The following CACNA2D1 variants were observed in gnomAD, a reference collection of about 807,000 sequenced individuals.
CACNA2D1 encodes the protein calcium voltage-gated channel auxiliary subunit alpha2delta 1.
In CACNA2D1, 53 loss-of-function variants were observed where a neutral mutation model predicts 171.5. The ratio of observed to expected loss-of-function variants is 0.31; its 90% CI spans 0.25 to 0.39. The LOEUF (loss-of-function observed/expected upper bound fraction) is 0.39. Ranked by LOEUF, CACNA2D1 falls within the 10% of genes least tolerant of loss-of-function variation. CACNA2D1 has a pLI of 1.00. For synonymous variants in CACNA2D1, 442 were observed against 443.1 expected (o/e 1.00, Z 0.03); for missense variants, 903 against 1,299.8 (o/e 0.69, Z 4.69).
chr7:82,222,898 CTTTT>C (rs796527774), intron 3 of CACNA2D1, among the ~76,000 whole-genome samples: 4 of 124,540 alleles, frequency 3.2e-5, no homozygotes, highest in East Asian at 2.6e-4. Flanking sequence ...TTCTTTCTTT[CTTTT>C]TTTTTTTTTG....
chr7:82,119,034 A>T lies in CACNA2D1; in HGVS notation c.397-1861T>A, dbSNP rs192995183. Among the ~76,000 whole-genome samples the T allele has an allele frequency of 1.7e-4, 26 of 152,164 alleles. No homozygotes were observed. In the East Asian group the frequency reaches 5.0e-3, roughly 29 times the overall value. On this transcript the variant is annotated intron_variant, in intron 5 of 38. Transcript: ENST00000356860. ...TTATGGCAGTATATTTTTAATTGAA[A>T]TACAGTAAATATTATATACAAAGGA...
In CACNA2D1 at chr7:82,136,695, G is replaced by A. The variant is rs749395509; in HGVS notation, c.355-19C>T. 1.4e-5 allele frequency: 22 copies of A among 1,530,002 alleles called. No homozygotes were observed. The highest frequency in any genetic ancestry group is 9.6e-5 in the African/African-American group (7 of 72,592). 94.8% of individuals were successfully genotyped at this position (1,530,002 alleles called of 1,614,324 possible). On this transcript the variant is annotated intron_variant, in intron 4 of 38. Coordinates refer to ENST00000356860, the MANE Select transcript of CACNA2D1 (RefSeq NM_000722.4). The stretch of plus-strand genomic sequence containing the variant: ...CATTGCTCTACAAAAAAAAAAGAAC[G>A]CTTTATTGATTTTAATAAAAACAAT...
chr7:81,951,961 TACAAAGTG>T, intron 38 of CACNA2D1, among the ~76,000 whole-genome samples: 1 of 134,554 alleles, frequency 7.4e-6, no homozygotes, highest in African/African-American at 2.7e-5. Context: ...ACCAGCAGTG[TACAAAGTG>T]TTTTTTTTTT....
intron 6 of CACNA2D1, among the ~76,000 whole-genome samples, chr7:82,100,879 T>G (rs1003253815): frequency 5.3e-5 from 8 of 152,010 alleles, no homozygotes; most frequent in Non-Finnish European, 4.4e-5. Flanking sequence ...AAGTAGAGCT[T>G]AGAAATGTTT....
intron 1 of CACNA2D1, among the ~76,000 whole-genome samples, chr7:82,399,908 G>C (rs1407654803): frequency 2.0e-5 from 3 of 152,028 alleles, no homozygotes; most frequent in Admixed American, 1.3e-4. Flanking sequence ...TTCCAGGTTT[G>C]TAGCATCACA....
At chr7:81,992,416 G>GT (rs1797638583) in intron 20 of CACNA2D1, among the ~76,000 whole-genome samples, 1 of 152,070 alleles carries the variant, frequency 6.6e-6, no homozygotes, top group South Asian at 2.1e-4. Flanking sequence ...GAATGTGTGC[G>GT]TGTTTGTGTG....
intron 3 of CACNA2D1, among the ~76,000 whole-genome samples, chr7:82,255,065 C>T (rs1042854279): frequency 1.3e-5 from 2 of 152,164 alleles, no homozygotes; most frequent in Non-Finnish European, 2.9e-5. Context: ...CCTAGCTATT[C>T]GGCTTCATCT....
At chr7:82,266,849 T>C (rs1316808868) in intron 3 of CACNA2D1, among the ~76,000 whole-genome samples, 1 of 152,156 alleles carries the variant, frequency 6.6e-6, no homozygotes, top group African/African-American at 2.4e-5. Flanking sequence ...GTGTTTGACC[T>C]TTTCCTATGT....
In CACNA2D1 at chr7:81,971,766, C is replaced by G. The variant is rs1189026472; in HGVS notation, c.2141+11G>C. The G allele has an allele frequency of 7.5e-6, 11 of 1,463,912 alleles. No individual in the cohort carries two copies. The highest frequency in any genetic ancestry group is 9.6e-6 in the Non-Finnish European group (10 of 1,044,658). 90.7% of individuals were successfully genotyped at this position (1,463,912 alleles called of 1,614,324 possible). A position where few individuals can be genotyped will look rare whatever the true frequency, so the allele number is the denominator to read the frequency against. ...GAATACATATTTTTATTAATAAGAA[C>G]AAATACTTACATATTTTTCTGCTTA... On this transcript the variant is annotated intron_variant, in intron 26 of 38. Transcript: ENST00000356860.
chr7:82,307,881 C>T (rs1813933406), intron 3 of CACNA2D1, among the ~76,000 whole-genome samples: 1 of 152,144 alleles, frequency 6.6e-6, no homozygotes, highest in Admixed American at 6.5e-5. Context: ...CCAGCAAAAA[C>T]CTGATGGTGA....
rs1172981825 is a variant in CACNA2D1 at position 82,066,490 on chromosome 7, A to G, written c.693T>C (p.Asn231=). The change falls in exon 8 of 39, where the codon AAT becomes AAC. Residue 231 remains asparagine (N), a synonymous_variant. Transcript: ENST00000356860. ...TGCGTACATCATAAAGGTCAATCTTATTTGGAGTTCTACTATTATCAACCC... is the reference window on the plus strand; with the variant it reads ...TGCGTACATCATAAAGGTCAATCTTGTTTGGAGTTCTACTATTATCAACCC... ...SPWVDNSRTP[N]KIDLYDVRRR... 2 of 1,607,740 alleles carry G rather than the reference A, an allele frequency of 1.2e-6. No individual in the cohort carries two copies. The highest frequency in any genetic ancestry group is 4.5e-5 in the East Asian group (2 of 44,594).
At chr7:82,162,898 G>A (rs1287706138) in intron 4 of CACNA2D1, among the ~76,000 whole-genome samples, 1 of 151,978 alleles carries the variant, frequency 6.6e-6, no homozygotes, top group South Asian at 2.1e-4. Flanking sequence ...AATCATCTGT[G>A]CCTTGTACTT....
intron 1 of CACNA2D1, among the ~76,000 whole-genome samples, chr7:82,417,095 T>C (rs1355417440): frequency 6.6e-6 from 1 of 152,240 alleles, no homozygotes; most frequent in Non-Finnish European, 1.5e-5. Flanking sequence ...AGTTGATAAA[T>C]ATATAGTTTC....
chr7:82,418,748 TC>T (rs1164187601), intron 1 of CACNA2D1, among the ~76,000 whole-genome samples: 1 of 152,142 alleles, frequency 6.6e-6, no homozygotes, highest in Non-Finnish European at 1.5e-5. Context: ...CACCTGGTAT[TC>T]TTTTCATACT....
intron 4 of CACNA2D1, among the ~76,000 whole-genome samples, chr7:82,140,804 A>T (rs1186327542): frequency 6.6e-6 from 1 of 151,674 alleles, no homozygotes; most frequent in African/African-American, 2.4e-5. Context: ...AAATACAAAA[A>T]ATTGGCAGGG....
chr7:82,175,333 T>C (rs1311793819), intron 3 of CACNA2D1, among the ~76,000 whole-genome samples: 1 of 151,852 alleles, frequency 6.6e-6, no homozygotes, highest in Admixed American at 6.6e-5. Context: ...GTCAAGATTT[T>C]CCTTTTTAAT....
chr7:82,048,381 A>G (rs1192377612), intron 10 of CACNA2D1, among the ~76,000 whole-genome samples: 2 of 152,164 alleles, frequency 1.3e-5, no homozygotes, highest in Non-Finnish European at 2.9e-5. Context: ...AAAACATTAC[A>G]AAGGTGAATT....
chr7:82,116,408 C>A (rs995035125), intron 6 of CACNA2D1, among the ~76,000 whole-genome samples: 10 of 152,130 alleles, frequency 6.6e-5, no homozygotes, highest in Admixed American at 2.0e-4. Flanking sequence ...CTTTTTTTAC[C>A]CCATCCCTTT....
chr7:82,049,797 G>A (rs1804987724), intron 10 of CACNA2D1, among the ~76,000 whole-genome samples: 1 of 152,176 alleles, frequency 6.6e-6, no homozygotes, highest in Admixed American at 6.6e-5. Flanking sequence ...TGACATAAAT[G>A]AGCAATAGAT....
Sources: gnomAD v4.1 joint callset for allele counts (sites outside exome capture counted in the v4.1 genomes callset) on GRCh38, gnomAD v4.1.1 for gene constraint, MANE v1.5 for transcripts, NCBI Gene and HGNC (gene_info 2026-07-23, HGNC 2026-07-21) for gene names.